Variants in PACS2 observed in about 807,000 individuals in gnomAD.
The protein encoded by PACS2 is PACS1-like protein.
PACS2 carries 36 observed loss-of-function variants against 113.0 expected under a neutral mutation model. The ratio of observed to expected loss-of-function variants is 0.32; its 90% CI spans 0.24 to 0.42. The LOEUF (loss-of-function observed/expected upper bound fraction) is 0.42. Among genes scored for constraint, PACS2 ranks in the 10% least tolerant of loss-of-function variants. The probability of loss-of-function intolerance (pLI) is 1.00; values close to 1 mark genes in which losing one functional copy is unlikely to be tolerated. For missense variants in PACS2, 1,015 were observed against 1,239.5 expected (o/e 0.82, Z 2.72); for synonymous variants, 589 against 536.1 (o/e 1.10, Z -1.36).
chr14:105,390,902 C>T (rs2081334168), intron 20 of PACS2: 4 of 450,520 alleles, frequency 8.9e-6, no homozygotes, highest in Non-Finnish European at 1.6e-5. Context: ...CGCCAAGGTC[C>T]CTCTCACCAG....
In PACS2 at chr14:105,318,804, G is replaced by A. The variant is rs587742649; in HGVS notation, c.119+3767G>A. ...CTCCCGAGTAGCTGGGACTACAGGC[G>A]CCCGCCACCACGCCCGGCTAATTTT... On this transcript the variant is annotated intron_variant, in intron 1 of 24. Transcript: ENST00000447393. Among the ~76,000 whole-genome samples the A allele has an allele frequency of 5.8e-4, 88 of 151,616 alleles. No homozygotes were observed. The East Asian group carries it at 0.014, about 23-fold the overall frequency.
intron 1 of PACS2, among the ~76,000 whole-genome samples, chr14:105,339,484 C>T (rs1176747973): frequency 7.1e-6 from 1 of 140,322 alleles, no homozygotes; most frequent in Non-Finnish European, 1.5e-5. Context: ...CCAGCCTGGG[C>T]AACAAGAGCA....
intron 1 of PACS2, among the ~76,000 whole-genome samples, chr14:105,344,982 A>T (rs1470693350): frequency 6.6e-6 from 1 of 152,030 alleles, no homozygotes; most frequent in Non-Finnish European, 1.5e-5. Context: ...GGTAGTGCAC[A>T]CCTGTAATCC....
In PACS2 at chr14:105,365,230, C is replaced by T. The variant is rs1161741499; in HGVS notation, c.424-1983C>T. Among the ~76,000 whole-genome samples the T allele has an allele frequency of 3.3e-5, 5 of 152,174 alleles. No individual in the cohort carries two copies. The highest frequency in any genetic ancestry group is 5.9e-5 in the Non-Finnish European group (4 of 68,026). On this transcript the variant is annotated intron_variant, in intron 4 of 24. Coordinates refer to ENST00000447393, the MANE Select transcript of PACS2 (RefSeq NM_001100913.3). This position sits in a 1 kb window ranked among gnomAD's most constrained non-coding sequence, Gnocchi z 5.1. ...GGCCACAGTCCAGGACAGTGACCTG[C>T]CGGCCAGCATCACCCCAGGGGAGTG...
intron 22 of PACS2, 78 bp from the exon 23 acceptor site, chr14:105,392,541 G>C: frequency 7.7e-7 from 1 of 1,300,334 alleles, no homozygotes; most frequent in Middle Eastern, 1.8e-4. Context: ...TCACCTCCTG[G>C]CCTGTCACAG....
In PACS2 at chr14:105,381,923, G is replaced by T. The variant is rs1555412126; in HGVS notation, c.1278G>T (p.Gly426=). ...TCCTGGTCCCCAATAGGTCCGAGGG[G>T]AAGCAGGCTGGCCGACGGGGCCGGA... ...SLVIPSTRSE[G]KQAGRRGRST... The change falls in exon 13 of 25, where the codon GGG becomes GGT. Residue 426 remains glycine (G), a synonymous_variant. Transcript: ENST00000447393. 1.3e-6 allele frequency: 2 copies of T among 1,551,368 alleles called. No individual in the cohort carries two copies. Among genetic ancestry groups the T allele is most frequent in the South Asian group, 2.4e-5 (2 of 84,034 alleles).
Position 105,392,868 on chromosome 14 carries a change from G to A in PACS2, c.2482+23G>A, listed in dbSNP as rs782062122. 17 of 1,541,084 alleles carry A rather than the reference G, an allele frequency of 1.1e-5. No individual in the cohort carries two copies. In the East Asian group the frequency reaches 3.1e-4, roughly 28 times the overall value. On this transcript the variant is annotated intron_variant, in intron 23 of 24. Coordinates refer to ENST00000447393, the MANE Select transcript of PACS2 (RefSeq NM_001100913.3). ...AGGGTGAGGTGGGGCAGGCTATAAGGCCACACGGCGCAGAAGGGCGGCTCT... is the reference window on the plus strand; with the variant it reads ...AGGGTGAGGTGGGGCAGGCTATAAGACCACACGGCGCAGAAGGGCGGCTCT...
chr14:105,366,471 C>T lies in PACS2; in HGVS notation c.424-742C>T, dbSNP rs1555407945. ...AAGGCTGTGAGTGTCTGAGAGTTGT[C>T]GTCATGGCGTGTGGTTCTGAGGCTG... On this transcript the variant is annotated intron_variant, in intron 4 of 24. Transcript: ENST00000447393. This position sits in a 1 kb window ranked among gnomAD's most constrained non-coding sequence, Gnocchi z 4.3. Among the ~76,000 whole-genome samples, 1 of 152,214 alleles carries T rather than the reference C, an allele frequency of 6.6e-6. No homozygotes were observed. The highest frequency in any genetic ancestry group is 1.5e-5 in the Non-Finnish European group (1 of 68,042).
intron 1 of PACS2, among the ~76,000 whole-genome samples, chr14:105,343,718 T>C (rs2059818802): frequency 6.6e-6 from 1 of 150,940 alleles, no homozygotes; most frequent in African/African-American, 2.5e-5. Context: ...TTTTTTGAGA[T>C]GGAGTCTTGC....
chr14:105,302,975 C>T (rs1667793302), intron 1 of PACS2, among the ~76,000 whole-genome samples: 1 of 151,710 alleles, frequency 6.6e-6, no homozygotes, highest in Admixed American at 6.6e-5. Flanking sequence ...AACACCCAGG[C>T]TGGAGTTCAG....
intron 23 of PACS2, 143 bp from the exon 24 acceptor site, chr14:105,393,079 A>C: frequency 1.4e-6 from 1 of 728,312 alleles, no homozygotes; most frequent in Admixed American, 2.5e-5. Context: ...AGCTGTCCTC[A>C]GTCACCGTGG....
intron 21 of PACS2, 145 bp downstream of exon 21, chr14:105,391,394 G>A (rs1448087840): frequency 5.7e-6 from 4 of 703,380 alleles, no homozygotes; most frequent in Admixed American, 2.3e-5. Context: ...TCTGTCCTGC[G>A]GGGGGTTCAT....
In PACS2 at chr14:105,354,714, C is replaced by A. The variant is rs1329570190; in HGVS notation, c.298-338C>A. On this transcript the variant is annotated intron_variant, in intron 3 of 24. Transcript: ENST00000447393. The surrounding 1 kb of genome is among the most constrained non-coding windows in gnomAD (Gnocchi z 4.2). ...CTGATTGCCTCAGGCACATGAGCCG[C>A]CACACTGTTTCCGAGTGTCCACAGG... Among the ~76,000 whole-genome samples, 1 of 152,218 alleles carries A rather than the reference C, an allele frequency of 6.6e-6. No individual in the cohort carries two copies. Among genetic ancestry groups the A allele is most frequent in the African/African-American group, 2.4e-5 (1 of 41,468 alleles).
At chr14:105,321,452 TC>T (rs1449467960) in intron 1 of PACS2, among the ~76,000 whole-genome samples, 1 of 152,062 alleles carries the variant, frequency 6.6e-6, no homozygotes, top group Non-Finnish European at 1.5e-5. Flanking sequence ...AGCCTTGAAC[TC>T]CCAGGCTTAA....
At chr14:105,393,436 GAC>G (rs1412797538) in intron 24 of PACS2, 101 bp downstream of exon 24, 1 of 688,712 alleles carries the variant, frequency 1.5e-6, no homozygotes, top group Non-Finnish European at 2.4e-6. Flanking sequence ...GTCTCGCTGT[GAC>G]ACGCACATTC....
intron 22 of PACS2, chr14:105,392,411 A>G (rs1174161728): frequency 3.4e-6 from 2 of 585,886 alleles, no homozygotes; most frequent in Admixed American, 6.0e-5. Context: ...TCCTGTCGCC[A>G]GGGTCCCTGT....
Position 105,315,047 on chromosome 14 carries a change from GC to G in PACS2, c.119+13del. On this transcript the variant is annotated intron_variant, in intron 1 of 24. Coordinates refer to ENST00000447393, the MANE Select transcript of PACS2 (RefSeq NM_001100913.3). This position sits in a 1 kb window ranked among gnomAD's most constrained non-coding sequence, Gnocchi z 4.4. ...CCAGCTGCGTGCCCAGGTACGCGCC[GC>G]CCGCCGCGCTTTGTTCCCGCCGGGC... 1 of 1,167,768 alleles carries G rather than the reference GC, an allele frequency of 8.6e-7. No individual in the cohort carries two copies. Among genetic ancestry groups the G allele is most frequent in the Non-Finnish European group, 1.1e-6 (1 of 937,660 alleles). 72.3% of individuals were successfully genotyped at this position (1,167,768 alleles called of 1,614,324 possible). A position where few individuals can be genotyped will look rare whatever the true frequency, so the allele number is the denominator to read the frequency against.
At chr14:105,368,913 C>T (rs1006785703) in intron 7 of PACS2, among the ~76,000 whole-genome samples, 1 of 152,242 alleles carries the variant, frequency 6.6e-6, no homozygotes, top group African/African-American at 2.4e-5. Context: ...GGGATCTGGC[C>T]TACCTACCTC....
intron 7 of PACS2, 65 bp from the exon 8 acceptor site, chr14:105,369,776 A>T: frequency 7.1e-7 from 1 of 1,411,020 alleles, no homozygotes. Context: ...GGCCTGAGGA[A>T]GGGGCTCCAG....
Sources: gnomAD v4.1 joint callset for allele counts (sites outside exome capture counted in the v4.1 genomes callset) on GRCh38, gnomAD v4.1.1 for gene constraint, Gnocchi (gnomAD v3.1) non-coding constraint, MANE v1.5 for transcripts, NCBI Gene and HGNC (gene_info 2026-07-23, HGNC 2026-07-21) for gene names.